EML2: variants seen among roughly 807,000 people sequenced by gnomAD.
EML2 encodes echinoderm microtubule-associated protein-like 2.
In EML2, 59 loss-of-function variants were observed where a neutral mutation model predicts 84.7. That is an observed-to-expected ratio of 0.70 (90% confidence interval 0.56 to 0.86). EML2 has a LOEUF of 0.86. Ranked by LOEUF, EML2 falls within the 40% of genes least tolerant of loss-of-function variation. EML2 has a pLI of 0.00. For missense variants in EML2, 818 were observed against 855.6 expected, an observed-to-expected ratio of 0.96 and a Z score of 0.55; for synonymous variants, 352 against 348.9, an observed-to-expected ratio of 1.01 and a Z score of -0.10.
intron 3 of EML2, among the ~76,000 whole-genome samples, chr19:45,635,583 CTTTTTTTTTTTTT>C (rs1172930803): frequency 1.1e-4 from 12 of 108,476 alleles, no homozygotes; most frequent in East Asian, 4.9e-4. Flanking sequence ...TGTCTGTTTC[CTTTTTTTTTTTTT>C]TTTTTTTTTT....
chr19:45,641,788 C>G, upstream of EML2: 7 of 1,531,930 alleles, frequency 4.6e-6, no homozygotes, highest in Non-Finnish European at 6.1e-6. Context: ...GCCTTCTAGG[C>G]CAGCAGGCGA....
upstream of EML2, chr19:45,642,791 T>A (rs932017160): frequency 6.6e-6 from 1 of 152,004 alleles, no homozygotes; most frequent in African/African-American, 2.4e-5. Context: ...TGAAACCCCG[T>A]CTCTACTAAA....
upstream of EML2, chr19:45,640,605 CA>C (rs888183096): frequency 1.1e-4 from 16 of 152,078 alleles, no homozygotes; most frequent in East Asian, 1.2e-3. Flanking sequence ...TATTAATAGA[CA>C]GGGGGTTTCA....
chr19:45,633,761 A>AT (rs978234072), intron 4 of EML2, among the ~76,000 whole-genome samples: 6 of 151,900 alleles, frequency 3.9e-5, no homozygotes, highest in Non-Finnish European at 8.8e-5. Flanking sequence ...AGAAAAAAAA[A>AT]GGAGATGGAG....
At chr19:45,627,609 G>A (rs1048515720) in intron 7 of EML2, among the ~76,000 whole-genome samples, 76 of 152,308 alleles carry the variant, frequency 5.0e-4, no homozygotes, top group African/African-American at 1.8e-3. Flanking sequence ...AGCCAGCGAA[G>A]CATTATCATC....
At chr19:45,645,126 C>A, upstream of EML2, 1 of 916,166 alleles carries the variant, frequency 1.1e-6, no homozygotes, top group Non-Finnish European at 1.6e-6. Context: ...AGGGACCTTG[C>A]TCTTGGGTCA....
chr19:45,622,798 A>T (rs1971860406), intron 9 of EML2, among the ~76,000 whole-genome samples: 1 of 152,216 alleles, frequency 6.6e-6, no homozygotes. Context: ...CTGTAATCCC[A>T]GCACTTTGGG....
At chr19:45,639,513 G>A, upstream of EML2, 1 of 880,216 alleles carries the variant, frequency 1.1e-6, no homozygotes, top group South Asian at 5.7e-5. Context: ...GGGTCCCACC[G>A]GGTCACACAT....
chr19:45,632,122 T>C (rs926138994), intron 6 of EML2, among the ~76,000 whole-genome samples: 8 of 151,032 alleles, frequency 5.3e-5, no homozygotes, highest in Non-Finnish European at 1.0e-4. Flanking sequence ...CTCAAACTCC[T>C]GACCTTGTGA....
At chr19:45,633,761 A>G (rs1973364879) in intron 4 of EML2, among the ~76,000 whole-genome samples, 2 of 151,900 alleles carry the variant, frequency 1.3e-5, no homozygotes, top group Admixed American at 1.3e-4. Context: ...AGAAAAAAAA[A>G]GGAGATGGAG....
intron 15 of EML2, chr19:45,616,253 G>A (rs1971053999): frequency 1.8e-6 from 1 of 571,318 alleles, no homozygotes. Flanking sequence ...TACACAGATG[G>A]GCTTAGCACG....
rs201508885 is a variant in EML2, at chr19:45,609,660, G to T, written c.*3C>A. The T allele has an allele frequency of 1.1e-5, 17 of 1,595,142 alleles. No homozygotes were observed. In the East Asian group the frequency reaches 3.4e-4, roughly 32 times the overall value. On this transcript the variant is annotated 3_prime_UTR_variant, in exon 19 of 19. Transcript: ENST00000245925. ...CCTGACACCTGACTCTTCCCTGGCC[G>T]CATCAGACCACCCGCCACTGTAGCA...
At chr19:45,624,599 T>C in intron 9 of EML2, 120 bp downstream of exon 9, 1 of 696,532 alleles carries the variant, frequency 1.4e-6, no homozygotes, top group Non-Finnish European at 2.5e-6. Context: ...TTGACGAGGG[T>C]GTTGGAATCG....
At chr19:45,610,917 A>C (rs986378957) in intron 18 of EML2, among the ~76,000 whole-genome samples, 5 of 152,178 alleles carry the variant, frequency 3.3e-5, no homozygotes, top group Non-Finnish European at 7.3e-5. Context: ...AAATAGAAGA[A>C]ATAGCATGCA....
intron 12 of EML2, among the ~76,000 whole-genome samples, chr19:45,618,422 G>A (rs1034492833): frequency 6.6e-6 from 1 of 152,012 alleles, no homozygotes; most frequent in Non-Finnish European, 1.5e-5. Context: ...ATAGCCATGT[G>A]TGGCCAGTGG....
At chr19:45,642,195 C>A, upstream of EML2, 1 of 1,533,312 alleles carries the variant, frequency 6.5e-7, no homozygotes, top group Non-Finnish European at 8.7e-7. Flanking sequence ...GCGCGCGTAG[C>A]GCCGCTCCCT....
chr19:45,609,791 G>C lies in EML2; in HGVS notation c.1825-3C>G. 1.2e-6 allele frequency: 2 copies of C among 1,611,378 alleles called. No homozygotes were observed. The highest frequency in any genetic ancestry group is 1.7e-6 in the Non-Finnish European group (2 of 1,178,930). The stretch of plus-strand genomic sequence containing the variant: ...CCACCGTACTTGTGGCTGAGGGCCT[G>C]TTACAAGGAAAGAAGTAAGTGAAGA... On this transcript the variant is annotated splice_region_variant and splice_polypyrimidine_tract_variant and intron_variant, in intron 18 of 18. Transcript: ENST00000245925.
intron 4 of EML2, 70 bp downstream of exon 4, chr19:45,634,252 T>C: frequency 1.9e-6 from 3 of 1,601,418 alleles, no homozygotes; most frequent in Non-Finnish European, 8.5e-7. Flanking sequence ...AAAAGAGGCA[T>C]AGAGGGGCAG....
chr19:45,635,493 C>T (rs536082637), intron 3 of EML2, among the ~76,000 whole-genome samples: 2 of 150,438 alleles, frequency 1.3e-5, no homozygotes, highest in South Asian at 2.1e-4. Flanking sequence ...TCAACAAGGT[C>T]ATTGGAATGA....
Sources: allele counts gnomAD v4.1 joint callset (sites outside exome capture counted in the v4.1 genomes callset), GRCh38; gene constraint gnomAD v4.1.1; transcripts MANE v1.5; gene names NCBI Gene and HGNC (gene_info 2026-07-23, HGNC 2026-07-21).